The following NRG3 variants were observed in gnomAD, a reference collection of about 807,000 sequenced individuals.
NRG3 encodes pro-neuregulin-3, membrane-bound isoform.
NRG3 carries 31 observed loss-of-function variants against 66.9 expected under a neutral mutation model. The ratio of observed to expected loss-of-function variants is 0.46; its 90% CI spans 0.35 to 0.63. The LOEUF is 0.63. Ranked by LOEUF, NRG3 falls within the 20% of genes least tolerant of loss-of-function variation. The pLI, the probability that NRG3 is intolerant of heterozygous loss-of-function variation, is 0.00. For synonymous variants in NRG3, 393 were observed against 359.4 expected (o/e 1.09, Z -1.06); for missense variants, 910 against 878.9 (o/e 1.04, Z -0.45).
chr10:81,905,953 A>G (rs972860525), intron 1 of NRG3, among the ~76,000 whole-genome samples: 6 of 152,326 alleles, frequency 3.9e-5, no homozygotes, highest in East Asian at 1.9e-4. Flanking sequence ...CCTACAGTTT[A>G]TAATGTTGTT....
At chr10:81,892,148 T>G (rs1843065962) in intron 1 of NRG3, among the ~76,000 whole-genome samples, 1 of 152,036 alleles carries the variant, frequency 6.6e-6, no homozygotes, top group South Asian at 2.1e-4. Flanking sequence ...AAGAATTCCA[T>G]CCCCTTCTTC....
At chr10:82,356,441 T>C (rs1186828452) in intron 1 of NRG3, among the ~76,000 whole-genome samples, 2 of 152,202 alleles carry the variant, frequency 1.3e-5, no homozygotes, top group African/African-American at 4.8e-5. Context: ...CACCGTTTCA[T>C]ATTGAATTTT....
intron 2 of NRG3, among the ~76,000 whole-genome samples, chr10:82,442,778 G>A (rs1378134008): frequency 1.1e-5 from 1 of 90,296 alleles, no homozygotes; most frequent in Non-Finnish European, 2.2e-5. Flanking sequence ...TCTTATTTCT[G>A]TGTGGATTTT....
intron 1 of NRG3, among the ~76,000 whole-genome samples, chr10:81,915,938 A>C (rs758196200): frequency 6.6e-6 from 1 of 152,202 alleles, no homozygotes; most frequent in Non-Finnish European, 1.5e-5. Flanking sequence ...GAAATATAAT[A>C]TAAGCCCCAT....
chr10:82,742,285 GA>G (rs2058459586), intron 3 of NRG3, among the ~76,000 whole-genome samples: 1 of 152,016 alleles, frequency 6.6e-6, no homozygotes, highest in African/African-American at 2.4e-5. Flanking sequence ...CTATATTTAG[GA>G]AAATGGTGCA....
chr10:81,909,319 G>A (rs752508020), intron 1 of NRG3, among the ~76,000 whole-genome samples: 20 of 152,038 alleles, frequency 1.3e-4, no homozygotes, highest in Non-Finnish European at 1.6e-4. Context: ...ATCTGCAAAG[G>A]CCCCATTTTC....
At chr10:82,705,248 T>A (rs1714358345) in intron 2 of NRG3, among the ~76,000 whole-genome samples, 1 of 152,142 alleles carries the variant, frequency 6.6e-6, no homozygotes, top group South Asian at 2.1e-4. Flanking sequence ...ACAAATCACA[T>A]GGGAAAGGTG....
intron 2 of NRG3, among the ~76,000 whole-genome samples, chr10:82,448,362 A>C (rs2090849039): frequency 6.6e-6 from 1 of 152,234 alleles, no homozygotes; most frequent in South Asian, 2.1e-4. Flanking sequence ...GCACTGCTTA[A>C]GATATGGATT....
At chr10:82,407,661 T>G (rs192331217) in intron 2 of NRG3, among the ~76,000 whole-genome samples, 1 of 152,266 alleles carries the variant, frequency 6.6e-6, no homozygotes, top group East Asian at 1.9e-4. Context: ...TTATTTTGCT[T>G]TTATGACTAC....
chr10:81,897,904 A>C (rs1255003791), intron 1 of NRG3, among the ~76,000 whole-genome samples: 1 of 152,126 alleles, frequency 6.6e-6, no homozygotes, highest in African/African-American at 2.4e-5. Context: ...TCTAGTTTTT[A>C]ATCCAGCGTG....
chr10:82,532,622 G>A (rs1405567171), intron 2 of NRG3, among the ~76,000 whole-genome samples: 2 of 146,598 alleles, frequency 1.4e-5, no homozygotes, highest in Non-Finnish European at 3.0e-5. Context: ...GTACTATATA[G>A]AGAGAGTACT....
chr10:81,919,627 A>G (rs1357551510), intron 1 of NRG3, among the ~76,000 whole-genome samples: 1 of 152,166 alleles, frequency 6.6e-6, no homozygotes, highest in African/African-American at 2.4e-5. Flanking sequence ...TTAAGTATCA[A>G]TTTCATTGCC....
chr10:82,528,426 T>C (rs928376494), intron 2 of NRG3, among the ~76,000 whole-genome samples: 4 of 152,184 alleles, frequency 2.6e-5, no homozygotes, highest in Non-Finnish European at 4.4e-5. Flanking sequence ...CCATCATGGT[T>C]AGTATTCTAG....
At chr10:82,707,990 C>T (rs2056425213) in intron 2 of NRG3, among the ~76,000 whole-genome samples, 1 of 151,898 alleles carries the variant, frequency 6.6e-6, no homozygotes, top group Non-Finnish European at 1.5e-5. Context: ...CCACTGCACT[C>T]CATCCTGGGC....
At chr10:82,035,359 T>A (rs2062750922) in intron 1 of NRG3, among the ~76,000 whole-genome samples, 1 of 148,186 alleles carries the variant, frequency 6.7e-6, no homozygotes, top group Non-Finnish European at 1.5e-5. Flanking sequence ...TACACTGTGA[T>A]TTTTTTTGCT....
intron 1 of NRG3, among the ~76,000 whole-genome samples, chr10:81,917,029 A>G (rs1038946117): frequency 3.3e-5 from 5 of 152,224 alleles, no homozygotes; most frequent in Non-Finnish European, 7.3e-5. Context: ...CCCAAAACAT[A>G]TAATTTTAGC....
chr10:82,610,766 AT>A (rs1284933893), intron 2 of NRG3, among the ~76,000 whole-genome samples: 2 of 152,200 alleles, frequency 1.3e-5, no homozygotes, highest in African/African-American at 2.4e-5. Flanking sequence ...TCCAGGAGTT[AT>A]GTATGACTTT....
intron 2 of NRG3, among the ~76,000 whole-genome samples, chr10:82,719,740 T>A (rs2057184505): frequency 6.6e-6 from 1 of 152,202 alleles, no homozygotes; most frequent in Admixed American, 6.5e-5. Flanking sequence ...CTGTTGCCAG[T>A]CCCTGTTACT....
Position 82,955,711 on chromosome 10 carries a change from A to G in NRG3, c.1158-3238A>G, listed in dbSNP as rs149432656. On this transcript the variant is annotated intron_variant, in intron 5 of 8. Transcript: ENST00000372141. ...CTATAGGTCATCAACCCCTTGAAGT[A>G]AGAGATTTTAGATCCCAAAAAAAGC... Among the ~76,000 whole-genome samples the G allele has an allele frequency of 8.5e-4, 129 of 151,962 alleles. 2 individuals are homozygous for G. The highest frequency in any genetic ancestry group is 2.9e-3 in the African/African-American group (121 of 41,292).
Sources: gnomAD v4.1 joint callset for allele counts (sites outside exome capture counted in the v4.1 genomes callset) on GRCh38, gnomAD v4.1.1 for gene constraint, MANE v1.5 for transcripts, NCBI Gene and HGNC (gene_info 2026-07-23, HGNC 2026-07-21) for gene names.